GAS6: variants seen among roughly 807,000 people sequenced by gnomAD.
GAS6 encodes growth arrest specific 6, also known as growth arrest-specific protein 6.
In GAS6, 41 loss-of-function variants were observed where a neutral mutation model predicts 75.8. That is an observed-to-expected ratio of 0.54 (90% CI 0.42 to 0.70). The LOEUF (loss-of-function observed/expected upper bound fraction) is 0.70, where lower values mean the gene tolerates loss of function less well. GAS6 is among the 30% of genes least tolerant of loss of function. GAS6 has a pLI of 0.00. For synonymous variants in GAS6, 432 were observed against 412.6 expected (o/e 1.05, Z -0.57); for missense variants, 854 against 940.2 (o/e 0.91, Z 1.20).
intron 8 of GAS6, chr13:113,833,364 C>T (rs905490379): frequency 5.7e-5 from 57 of 997,806 alleles, no homozygotes; most frequent in Non-Finnish European, 6.2e-5. Context: ...AAGCCCTGAA[C>T]GTCGCAGCCC....
intron 2 of GAS6, among the ~76,000 whole-genome samples, chr13:113,858,864 T>C (rs2051941340): frequency 8.1e-6 from 1 of 123,220 alleles, no homozygotes; most frequent in Non-Finnish European, 1.7e-5. Flanking sequence ...TCATTATGCA[T>C]GTGTGTACAT....
At chr13:113,821,380 G>A (rs2051455821) in intron 14 of GAS6, 1 of 254,262 alleles carries the variant, frequency 3.9e-6, no homozygotes, top group South Asian at 8.6e-5. Context: ...TGGAGTCTGT[G>A]TCTGGCAGCC....
At chr13:113,850,894 ATGAG>A (rs2051867904) in intron 2 of GAS6, among the ~76,000 whole-genome samples, 1 of 152,186 alleles carries the variant, frequency 6.6e-6, no homozygotes, top group African/African-American at 2.4e-5. Context: ...GAATGGATGG[ATGAG>A]TGAATCGGTG....
At chr13:113,861,081 C>T (rs1419666314) in intron 2 of GAS6, among the ~76,000 whole-genome samples, 1 of 150,546 alleles carries the variant, frequency 6.6e-6, no homozygotes, top group Non-Finnish European at 1.5e-5. Flanking sequence ...GCGGGTGCTT[C>T]CGGGAAGAAG....
At chr13:113,832,920 G>A in intron 8 of GAS6, 168 bp from the exon 9 acceptor site, 1 of 1,501,408 alleles carries the variant, frequency 6.7e-7, no homozygotes, top group Non-Finnish European at 8.9e-7. Flanking sequence ...TGCCCCACTG[G>A]GACTCCCAGG....
Position 113,836,008 on chromosome 13 carries a change from C to T in GAS6, c.590-373G>A, listed in dbSNP as rs1003313583. 4.8e-6 allele frequency: 5 copies of T among 1,035,670 alleles called. No homozygotes were observed. The African/African-American group carries it at 8.5e-5, about 18-fold the overall frequency. The allele number at this position is 1,035,670 out of a possible 1,614,324, so 64.2% of individuals were successfully genotyped here. ...CCCGGGGGCATTTGAAACTAAAACC[C>T]CAACCCCAAAGAGAAGCATTTACTG... On this transcript the variant is annotated intron_variant, in intron 6 of 14. Coordinates refer to ENST00000327773, the MANE Select transcript of GAS6 (RefSeq NM_000820.4).
intron 2 of GAS6, among the ~76,000 whole-genome samples, chr13:113,857,891 G>A (rs1021895803): frequency 7.9e-5 from 12 of 152,234 alleles, no homozygotes; most frequent in African/African-American, 2.2e-4. Flanking sequence ...GCAGACGCCC[G>A]GGTGAAAACA....
Position 113,835,630 on chromosome 13 carries a change from C to T in GAS6, c.595G>A (p.Asp199Asn), listed in dbSNP as rs1397356495. ...CAGGCCTCCGAGTCTGCGCACTCGTCTATGTCTGCAAGCAAAAAAAAACCG... is the reference window on the plus strand; with the variant it reads ...CAGGCCTCCGAGTCTGCGCACTCGTTTATGTCTGCAAGCAAAAAAAAACCG... The part of the protein sequence containing the change: ...SSDGRTCQDI[D>N]ECADSEACGE... The change falls in exon 7 of 15, where the codon GAC (aspartate) becomes AAC (asparagine). Residue 199 changes from aspartate (D) to asparagine (N), a missense_variant. Physicochemically the swap from Asp to Asn is conservative, Grantham distance 23. Coordinates refer to ENST00000327773, the MANE Select transcript of GAS6 (RefSeq NM_000820.4). 5 of 1,611,198 alleles carry T rather than the reference C, an allele frequency of 3.1e-6. No individual in the cohort carries two copies. Among genetic ancestry groups the T allele is most frequent in the Non-Finnish European group, 4.2e-6 (5 of 1,179,450 alleles).
chr13:113,839,684 C>G (rs374415829), intron 5 of GAS6, 44 bp downstream of exon 5: 1 of 1,606,164 alleles, frequency 6.2e-7, no homozygotes, highest in Non-Finnish European at 8.5e-7. Flanking sequence ...AGGGCAGGGT[C>G]GGAGATGGAG....
rs780645028 is a variant in GAS6 at position 113,835,616 on chromosome 13, G to A, written c.609C>T (p.Asp203=). 1 of 1,612,186 alleles carries A rather than the reference G, an allele frequency of 6.2e-7. No homozygotes were observed. The highest frequency in any genetic ancestry group is 1.1e-5 in the South Asian group (1 of 91,062). ...AGCGCGCCTCCCCGCAGGCCTCCGA[G>A]TCTGCGCACTCGTCTATGTCTGCAA... ...RTCQDIDECA[D]SEACGEARCK... is the part of the protein sequence containing the mutation. The change falls in exon 7 of 15, where the codon GAC becomes GAT. Residue 203 remains aspartate (D), a synonymous_variant. Coordinates refer to ENST00000327773, the MANE Select transcript of GAS6 (RefSeq NM_000820.4).
chr13:113,827,926 G>A (rs2051571939), intron 11 of GAS6, among the ~76,000 whole-genome samples: 1 of 152,174 alleles, frequency 6.6e-6, no homozygotes, highest in African/African-American at 2.4e-5. Context: ...TCACGGCAGA[G>A]TTACAAAACC....
At position 113,845,757 on chromosome 13, in the gene GAS6, A is replaced by C. The variant is rs1044751459; in HGVS notation, c.343+770T>G. The C allele has an allele frequency of 1.3e-5, 2 of 149,916 alleles. No individual in the cohort carries two copies. Among genetic ancestry groups the C allele is most frequent in the Non-Finnish European group, 2.9e-5 (2 of 67,900 alleles). 9.3% of individuals were successfully genotyped at this position (149,916 alleles called of 1,614,324 possible). A position where few individuals can be genotyped will look rare whatever the true frequency, so the allele number is the denominator to read the frequency against. ...TTACTCATTAGTTAAAAAAAAAAAA[A>C]AAAACCTGAAATGACTGATGTCATT... On this transcript the variant is annotated intron_variant, in intron 4 of 14. Coordinates refer to ENST00000327773, the MANE Select transcript of GAS6 (RefSeq NM_000820.4). This position sits in a 1 kb window ranked among gnomAD's most constrained non-coding sequence, Gnocchi z 4.3.
At chr13:113,829,483 C>T (rs1265277020) in intron 10 of GAS6, among the ~76,000 whole-genome samples, 1 of 148,202 alleles carries the variant, frequency 6.7e-6, no homozygotes, top group African/African-American at 2.5e-5. Flanking sequence ...ACATGATCCT[C>T]ACCTGGGCCA....
intron 14 of GAS6, chr13:113,821,315 G>A: frequency 2.2e-6 from 1 of 448,628 alleles, no homozygotes; most frequent in South Asian, 3.1e-5. Flanking sequence ...CATTCAGGCT[G>A]CAGGCCTCCT....
In GAS6 at chr13:113,823,271, C is replaced by T; in HGVS notation, c.1653+104G>A. 3.9e-6 allele frequency: 5 copies of T among 1,287,786 alleles called. No individual in the cohort carries two copies. In the South Asian group the frequency reaches 7.3e-5, roughly 19 times the overall value. 79.8% of individuals were successfully genotyped at this position (1,287,786 alleles called of 1,614,324 possible). A position where few individuals can be genotyped will look rare whatever the true frequency, so the allele number is the denominator to read the frequency against. ...CCTCTGGTCAGAGGCTTTGGGGGTC[C>T]CTGGGGATCCCACCGCGGGCCCCCT... On this transcript the variant is annotated intron_variant, in intron 13 of 14. Transcript: ENST00000327773.
At chr13:113,821,920 G>T (rs1250351391) in intron 14 of GAS6, 38 bp downstream of exon 14, 1 of 1,466,212 alleles carries the variant, frequency 6.8e-7, no homozygotes, top group South Asian at 1.3e-5. Flanking sequence ...CCTCCCTGGA[G>T]CTCTTCACCC....
At chr13:113,858,804 T>C (rs928956702) in intron 2 of GAS6, among the ~76,000 whole-genome samples, 2 of 151,656 alleles carry the variant, frequency 1.3e-5, no homozygotes, top group Non-Finnish European at 2.9e-5. Context: ...ACTGTATGTA[T>C]GTCTATGTGA....
intron 13 of GAS6, chr13:113,823,133 T>C (rs941196097): frequency 2.2e-5 from 10 of 455,370 alleles, no homozygotes; most frequent in Non-Finnish European, 3.5e-5. Context: ...TCCCACACTG[T>C]GAGCCGAGTG....
At chr13:113,823,847 A>G (rs548372865) in intron 12 of GAS6, among the ~76,000 whole-genome samples, 34 of 152,216 alleles carry the variant, frequency 2.2e-4, no homozygotes, top group African/African-American at 8.2e-4. Context: ...GCTGTGCACC[A>G]TGGGACGCAG....
Sources: allele counts gnomAD v4.1 joint callset (sites outside exome capture counted in the v4.1 genomes callset), GRCh38; gene constraint gnomAD v4.1.1; non-coding constraint Gnocchi (gnomAD v3.1); transcripts MANE v1.5; gene names NCBI Gene and HGNC (gene_info 2026-07-23, HGNC 2026-07-21).